Variants in DHX40 observed in about 807,000 individuals in gnomAD.
DHX40 encodes probable ATP-dependent RNA helicase DHX40.
A neutral mutation model predicts 89.6 loss-of-function variants in DHX40; 28 were observed. The observed-to-expected ratio is 0.31, with a 90% CI of 0.23 to 0.43. The LOEUF (loss-of-function observed/expected upper bound fraction) is 0.43. Among genes scored for constraint, DHX40 ranks in the 20% least tolerant of loss-of-function variants. The pLI is 1.00. For synonymous variants in DHX40, 226 were observed against 283.6 expected, an observed-to-expected ratio of 0.80 and a Z score of 2.04; for missense variants, 457 against 844.0, an observed-to-expected ratio of 0.54 and a Z score of 5.68.
rs1428220688 is a variant in DHX40 at position 59,575,306 on chromosome 17, A to T, written c.842-34A>T. 17 of 1,474,548 alleles carry T rather than the reference A, an allele frequency of 1.2e-5. 1 individual carries two copies. The highest frequency in any genetic ancestry group is 1.6e-5 in the Non-Finnish European group (17 of 1,093,476). 91.3% of individuals were successfully genotyped at this position (1,474,548 alleles called of 1,614,324 possible). On this transcript the variant is annotated intron_variant, in intron 6 of 17. Coordinates refer to ENST00000251241, the MANE Select transcript of DHX40 (RefSeq NM_024612.5). ...TATTTTTAAATTAATTTTTCTGTTC[A>T]GTTGCTGAAGTTATTTTTTTCTTCC...
chr17:59,600,397 T>C (rs778222392), intron 14 of DHX40, among the ~76,000 whole-genome samples: 1 of 151,990 alleles, frequency 6.6e-6, no homozygotes, highest in Non-Finnish European at 1.5e-5. Context: ...TCATTGACAT[T>C]GAAGACTTAC....
chr17:59,569,637 G>A (rs2048759473), intron 2 of DHX40, among the ~76,000 whole-genome samples: 1 of 147,082 alleles, frequency 6.8e-6, no homozygotes, highest in South Asian at 2.1e-4. Context: ...AGTGAGCCGA[G>A]ATCGCGCCAC....
chr17:59,572,251 A>G (rs934734596), intron 3 of DHX40, among the ~76,000 whole-genome samples: 5 of 152,194 alleles, frequency 3.3e-5, no homozygotes, highest in African/African-American at 1.2e-4. Flanking sequence ...ATGACTCCCC[A>G]AAATACTATC....
rs1030048763 is a variant in DHX40, at chr17:59,607,932, C to T, written c.*760C>T. 1.6e-4 allele frequency: 24 copies of T among 153,392 alleles called. No homozygotes were observed. Among genetic ancestry groups the T allele is most frequent in the Non-Finnish European group, 2.6e-4 (18 of 68,084 alleles). 9.5% of individuals were successfully genotyped at this position (153,392 alleles called of 1,614,324 possible). A position where few individuals can be genotyped will look rare whatever the true frequency, so the allele number is the denominator to read the frequency against. On this transcript the variant is annotated 3_prime_UTR_variant, in exon 18 of 18. Coordinates refer to ENST00000251241, the MANE Select transcript of DHX40 (RefSeq NM_024612.5). The stretch of plus-strand genomic sequence containing the variant: ...ATAAGTTCTTTTTTAGCTGTACCTA[C>T]GTACTTATATCAGCACCATGTATGT...
At chr17:59,576,111 C>T (rs2048879204) in intron 7 of DHX40, among the ~76,000 whole-genome samples, 1 of 147,606 alleles carries the variant, frequency 6.8e-6, no homozygotes, top group South Asian at 2.2e-4. Context: ...GCCATGTTGG[C>T]CAGGCTGGTT....
intron 6 of DHX40, 38 bp downstream of exon 6, chr17:59,574,292 TGTAA>T: frequency 5.0e-6 from 2 of 396,766 alleles, no homozygotes; most frequent in South Asian, 4.5e-5. Context: ...CTTAAGTATT[TGTAA>T]GTAAGGAATG....
intron 14 of DHX40, among the ~76,000 whole-genome samples, chr17:59,602,071 TGAG>T (rs1355879176): frequency 6.6e-6 from 1 of 152,222 alleles, no homozygotes; most frequent in Non-Finnish European, 1.5e-5. Flanking sequence ...GCTCAACACT[TGAG>T]GAGGACCTTC....
intron 15 of DHX40, chr17:59,604,561 A>G (rs927846655): frequency 6.5e-6 from 1 of 153,880 alleles, no homozygotes; most frequent in Non-Finnish European, 1.4e-5. Flanking sequence ...AACTAGGTTT[A>G]TTTTTTTGAC....
At chr17:59,586,581 G>T (rs987147237) in intron 11 of DHX40, among the ~76,000 whole-genome samples, 9 of 151,708 alleles carry the variant, frequency 5.9e-5, no homozygotes, top group Admixed American at 2.0e-4. Context: ...CAGGAGAATG[G>T]TGTGATCCTG....
chr17:59,573,518 G>A (rs1395826631), intron 4 of DHX40, among the ~76,000 whole-genome samples: 1 of 152,060 alleles, frequency 6.6e-6, no homozygotes, highest in Non-Finnish European at 1.5e-5. Flanking sequence ...ATTTTTTGTA[G>A]AGACAGTGTC....
chr17:59,602,607 T>C lies in DHX40; in HGVS notation c.1892T>C (p.Val631Ala). ...CTTTGTGCGGGCTATTTCAAAAATG[T>C]AGCTCGAAGGTAAGCAATAAAGACT... is the stretch of plus-strand genomic sequence containing the variant. Reference protein sequence around the residue: ...RCLCAGYFKNVARRSVGRTFC... With the variant: ...RCLCAGYFKNAARRSVGRTFC... The change falls in exon 15 of 18, where the codon GTA (valine) becomes GCA (alanine). Residue 631 changes from valine (V) to alanine (A), a missense_variant. By Grantham distance (64) the Val-to-Ala change is moderately conservative (BLOSUM62 0). Coordinates refer to ENST00000251241, the MANE Select transcript of DHX40 (RefSeq NM_024612.5). The C allele has an allele frequency of 1.2e-6, 2 of 1,613,760 alleles. No individual in the cohort carries two copies. Among genetic ancestry groups the C allele is most frequent in the Non-Finnish European group, 1.7e-6 (2 of 1,179,738 alleles).
intron 3 of DHX40, among the ~76,000 whole-genome samples, chr17:59,571,675 C>T (rs1239189888): frequency 6.6e-6 from 1 of 151,708 alleles, no homozygotes; most frequent in Non-Finnish European, 1.5e-5. Flanking sequence ...CCTGCAACCT[C>T]TGCCTCCCAG....
At chr17:59,570,001 G>A (rs1220000371) in intron 2 of DHX40, among the ~76,000 whole-genome samples, 1 of 141,518 alleles carries the variant, frequency 7.1e-6, no homozygotes, top group East Asian at 2.0e-4. Context: ...CCGAGATTGC[G>A]CCATTGCACT....
At chr17:59,576,702 C>A (rs150837566) in intron 7 of DHX40, among the ~76,000 whole-genome samples, 163 of 152,164 alleles carry the variant, frequency 1.1e-3, no homozygotes, top group African/African-American at 3.8e-3. Flanking sequence ...TTCACCGATG[C>A]TTTTATAATT....
chr17:59,570,769 T>C (rs749035190), intron 3 of DHX40, 106 bp downstream of exon 3: 23 of 1,213,586 alleles, frequency 1.9e-5, no homozygotes, highest in Non-Finnish European at 2.6e-5. Context: ...CTGTAGCCTC[T>C]ACCTTCTGGG....
In DHX40 at chr17:59,573,755, T is replaced by C. The variant is rs375856901; in HGVS notation, c.562T>C (p.Leu188=). Residue 188 remains leucine (L), a synonymous_variant, in exon 5 of 18, where the codon TTA becomes CTA. Coordinates refer to ENST00000251241, the MANE Select transcript of DHX40 (RefSeq NM_024612.5). ...TTTCTTTCAGGATATCTTATTTGGT[T>C]TATTGAAGAAGCTATTTCAGGAGAA... is the stretch of plus-strand genomic sequence containing the variant. ...RTLTTDILFG[L]LKKLFQEKSP... The C allele has an allele frequency of 5.2e-5, 84 of 1,613,828 alleles. 2 individuals are homozygous for C. The highest frequency in any genetic ancestry group is 3.3e-4 in the African/African-American group (25 of 75,024).
At chr17:59,588,219 T>TA (rs1169868073) in intron 12 of DHX40, among the ~76,000 whole-genome samples, 166 bp downstream of exon 12, 1,524 of 67,656 alleles carry the variant, frequency 0.023, 20 homozygotes, top group Non-Finnish European at 0.027. Flanking sequence ...CCATCTCTAC[T>TA]AAAAAAAAAA....
chr17:59,589,936 G>C (rs1251185111), intron 12 of DHX40, among the ~76,000 whole-genome samples: 1 of 150,900 alleles, frequency 6.6e-6, no homozygotes, highest in African/African-American at 2.5e-5. Context: ...GGTCAGGCTG[G>C]TCTGGAACTC....
rs529279481 is a variant in DHX40 at position 59,601,014 on chromosome 17, C to T, written c.1807-1508C>T. ...TCCATAACCATTCAACAATAACTCC[C>T]CATTCCCGACAGTGCATGGTAGCTC... is the stretch of plus-strand genomic sequence containing the variant. On this transcript the variant is annotated intron_variant, in intron 14 of 17. Coordinates refer to ENST00000251241, the MANE Select transcript of DHX40 (RefSeq NM_024612.5). Among the ~76,000 whole-genome samples, 203 of 151,796 alleles carry T rather than the reference C, an allele frequency of 1.3e-3. 10 individuals carry two copies. In the South Asian group the frequency reaches 0.041, roughly 31 times the overall value.
Sources: gnomAD v4.1 joint callset for allele counts (sites outside exome capture counted in the v4.1 genomes callset) on GRCh38, gnomAD v4.1.1 for gene constraint, MANE v1.5 for transcripts, NCBI Gene and HGNC (gene_info 2026-07-23, HGNC 2026-07-21) for gene names.